MYO18B: variants seen among roughly 807,000 people sequenced by gnomAD.
The protein encoded by MYO18B is myosin XVIIIB.
In MYO18B, 204 loss-of-function variants were observed where a neutral mutation model predicts 273.0. The observed-to-expected ratio is 0.75, with a 90% CI of 0.67 to 0.84. The LOEUF is 0.84. Among genes scored for constraint, MYO18B ranks in the 40% least tolerant of loss-of-function variants. MYO18B has a pLI of 0.00. For missense variants in MYO18B, 3,212 were observed against 3,287.6 expected, an observed-to-expected ratio of 0.98 and a Z score of 0.56; for synonymous variants, 1,330 against 1,305.7, an observed-to-expected ratio of 1.02 and a Z score of -0.40.
At position 25,835,328 on chromosome 22, in the gene MYO18B, T is replaced by A; in HGVS notation, c.3093T>A (p.Asp1031Glu). 6.2e-7 allele frequency: 1 copy of A among 1,613,956 alleles called. No homozygotes were observed. Among genetic ancestry groups the A allele is most frequent in the African/African-American group, 1.3e-5 (1 of 75,052 alleles). Reference sequence around the variant, plus strand: ...TACCAGCTGGAGGAGGTGCCCAGGATGCCAGAGGCCTTTTCTGGGTCTTAG... The same window carrying A: ...TACCAGCTGGAGGAGGTGCCCAGGAAGCCAGAGGCCTTTTCTGGGTCTTAG... ...VRLPAGGGAQ[D>E]ARGLFWVLDE... Residue 1031 changes from aspartate (D) to glutamate (E), a missense_variant, in exon 17 of 44, where the codon GAT becomes GAA. Coordinates refer to ENST00000335473, the MANE Select transcript of MYO18B (RefSeq NM_032608.7).
At chr22:25,798,134 C>G in intron 12 of MYO18B, 37 bp downstream of exon 12, 1 of 1,567,250 alleles carries the variant, frequency 6.4e-7, no homozygotes. Flanking sequence ...GGGAGGGCAG[C>G]TGTCTCCTTT....
At chr22:25,748,206 C>T (rs2085838766) in intron 1 of MYO18B, among the ~76,000 whole-genome samples, 1 of 152,120 alleles carries the variant, frequency 6.6e-6, no homozygotes, top group Non-Finnish European at 1.5e-5. Flanking sequence ...TCTGTTGTTC[C>T]AGAGAGTGGA....
At chr22:25,991,216 G>A (rs1471595614) in intron 39 of MYO18B, among the ~76,000 whole-genome samples, 2 of 152,108 alleles carry the variant, frequency 1.3e-5, no homozygotes, top group South Asian at 4.1e-4. Context: ...AAACATCCTC[G>A]GGCATAGAGC....
At chr22:25,817,493 A>C (rs1468567350) in intron 12 of MYO18B, among the ~76,000 whole-genome samples, 3 of 116,982 alleles carry the variant, frequency 2.6e-5, no homozygotes, top group African/African-American at 1.0e-4. Context: ...TTTTTCTCTC[A>C]TTTCTCTTTT....
intron 34 of MYO18B, among the ~76,000 whole-genome samples, chr22:25,931,681 C>CTTTTTTTTTTTTTTT (rs71311530): frequency 2.4e-5 from 3 of 123,518 alleles, no homozygotes; most frequent in East Asian, 4.5e-4. Flanking sequence ...TTTCTTTTTT[C>CTTTTTTTTTTTTTTT]TTTTTTTTTT....
chr22:25,865,843 T>G (rs1213267646), intron 21 of MYO18B, among the ~76,000 whole-genome samples: 1 of 152,196 alleles, frequency 6.6e-6, no homozygotes, highest in Non-Finnish European at 1.5e-5. Context: ...TTATCTTCAG[T>G]CAATTTTTTA....
At chr22:25,951,943 G>A (rs1490775995) in intron 37 of MYO18B, among the ~76,000 whole-genome samples, 1 of 152,230 alleles carries the variant, frequency 6.6e-6, no homozygotes, top group Non-Finnish European at 1.5e-5. Context: ...TTTTGATGCT[G>A]TAGCTTGTTG....
intron 34 of MYO18B, among the ~76,000 whole-genome samples, chr22:25,937,613 T>C (rs1402793426): frequency 6.6e-6 from 1 of 150,654 alleles, no homozygotes; most frequent in East Asian, 1.9e-4. Context: ...GAGATGGAGT[T>C]TCACTCTTGT....
intron 28 of MYO18B, 137 bp from the exon 29 acceptor site, chr22:25,898,170 T>G (rs1458083089): frequency 1.0e-6 from 1 of 958,324 alleles, no homozygotes. Context: ...AGGAAGGTAG[T>G]CAAGACAGGG....
intron 1 of MYO18B, among the ~76,000 whole-genome samples, chr22:25,754,937 T>C (rs1479587589): frequency 6.6e-6 from 1 of 151,968 alleles, no homozygotes; most frequent in Non-Finnish European, 1.5e-5. Context: ...AAGCTGAGGG[T>C]GATTCTTGGG....
intron 7 of MYO18B, among the ~76,000 whole-genome samples, chr22:25,775,647 C>T (rs752310380): frequency 2.0e-5 from 3 of 152,122 alleles, no homozygotes; most frequent in Middle Eastern, 3.2e-3. Flanking sequence ...CACCCTTCCT[C>T]GGCTCTAAGA....
chr22:26,044,859 A>G, the MYO18B span, among the ~76,000 whole-genome samples: 1 of 152,202 alleles, frequency 6.6e-6, no homozygotes, highest in Admixed American at 6.5e-5. Flanking sequence ...AGAGGCCTCT[A>G]GGGAGAGGAA....
At chr22:25,908,241 A>G (rs1481067709) in intron 31 of MYO18B, 81 bp from the exon 32 acceptor site, 18 of 1,117,620 alleles carry the variant, frequency 1.6e-5, no homozygotes, top group East Asian at 2.6e-5. Flanking sequence ...GAGAAATGCA[A>G]TTGGAATGCC....
intron 13 of MYO18B, 66 bp from the exon 14 acceptor site, chr22:25,826,343 G>A: frequency 8.1e-7 from 1 of 1,236,002 alleles, no homozygotes; most frequent in Non-Finnish European, 1.2e-6. Context: ...CTACTGCTCT[G>A]CAGTGATGTC....
chr22:26,037,615 C>T, the MYO18B span, among the ~76,000 whole-genome samples: 1 of 152,150 alleles, frequency 6.6e-6, no homozygotes, highest in South Asian at 2.1e-4. Context: ...GCACTGAGCC[C>T]TAGGAGGCAT....
chr22:25,804,458 A>G (rs990882446), intron 12 of MYO18B, among the ~76,000 whole-genome samples: 9 of 152,148 alleles, frequency 5.9e-5, no homozygotes, highest in Non-Finnish European at 8.8e-5. Flanking sequence ...TGGCTCAGAG[A>G]GGTGGTGTGA....
intron 14 of MYO18B, among the ~76,000 whole-genome samples, chr22:25,826,998 G>C (rs898113856): frequency 1.3e-5 from 2 of 152,170 alleles, no homozygotes; most frequent in African/African-American, 4.8e-5. Context: ...GGAAGCAGAG[G>C]TTTCAGTGAG....
At chr22:26,060,718 A>G in the MYO18B span, among the ~76,000 whole-genome samples, 1 of 152,192 alleles carries the variant, frequency 6.6e-6, no homozygotes, top group Non-Finnish European at 1.5e-5. Flanking sequence ...ATGCACACAT[A>G]CATATACACA....
Position 25,947,694 on chromosome 22 carries a change from C to A in MYO18B, c.5632-18C>A. ...TCACCCTCTCACCTTGCCTTGACCA[C>A]TGATCTGCCTCCCCCAGGTGGATGA... On this transcript the variant is annotated intron_variant, in intron 35 of 43. Coordinates refer to ENST00000335473, the MANE Select transcript of MYO18B (RefSeq NM_032608.7). 6.2e-7 allele frequency: 1 copy of A among 1,606,322 alleles called. No individual in the cohort carries two copies. Among genetic ancestry groups the A allele is most frequent in the Non-Finnish European group, 8.5e-7 (1 of 1,174,432 alleles).
Sources: allele counts gnomAD v4.1 joint callset (sites outside exome capture counted in the v4.1 genomes callset), GRCh38; gene constraint gnomAD v4.1.1; transcripts MANE v1.5; gene names NCBI Gene and HGNC (gene_info 2026-07-23, HGNC 2026-07-21).